SFTPD: variants seen among roughly 807,000 people sequenced by gnomAD.
SFTPD encodes the protein surfactant protein D.
A neutral mutation model predicts 34.6 loss-of-function variants in SFTPD; 18 were observed. The ratio of observed to expected loss-of-function variants is 0.52; its 90% CI spans 0.36 to 0.77. The LOEUF (loss-of-function observed/expected upper bound fraction) is 0.77. SFTPD is among the 30% of genes least tolerant of loss of function. The pLI is 0.00. For missense variants in SFTPD, 433 were observed against 468.9 expected (o/e 0.92, Z 0.71); for synonymous variants, 155 against 180.9 (o/e 0.86, Z 1.15).
At chr10:79,976,557 GA>G (rs1050785509) in intron 1 of SFTPD, among the ~76,000 whole-genome samples, 2 of 152,044 alleles carry the variant, frequency 1.3e-5, no homozygotes, top group African/African-American at 2.4e-5. Flanking sequence ...GTCCAGGCTG[GA>G]AAAAAAGGGC....
chr10:79,978,380 A>C (rs117833443), intron 1 of SFTPD, among the ~76,000 whole-genome samples: 10,433 of 152,292 alleles, frequency 0.069, 562 homozygotes, highest in South Asian at 0.2. Flanking sequence ...TGCTGGGTGC[A>C]GTGGCTCATG....
Position 79,947,461 on chromosome 10 carries a change from G to A in SFTPD, c.-3-799C>T, listed in dbSNP as rs991187708. Reference sequence around the variant, plus strand: ...CCCCAGCACTTTGGGAGGCCGAGGCGGGCAGATCACTTGAAGTCAGGAGTT... The same window carrying A: ...CCCCAGCACTTTGGGAGGCCGAGGCAGGCAGATCACTTGAAGTCAGGAGTT... On this transcript the variant is annotated intron_variant, in intron 1 of 7. Coordinates refer to ENST00000372292, the MANE Select transcript of SFTPD (RefSeq NM_003019.5). Among the ~76,000 whole-genome samples, 5 of 152,140 alleles carry A rather than the reference G, an allele frequency of 3.3e-5. No homozygotes were observed. The East Asian group carries it at 5.8e-4, about 18-fold the overall frequency.
chr10:79,971,820 C>T (rs1208113557), intron 1 of SFTPD: 1 of 152,050 alleles, frequency 6.6e-6, no homozygotes, highest in Non-Finnish European at 1.5e-5. Flanking sequence ...TTGGAATTGA[C>T]CGTTTTGGGT....
At chr10:79,942,967 A>G (rs774659340) in intron 2 of SFTPD, 88 bp from the exon 3 acceptor site, 13 of 809,888 alleles carry the variant, frequency 1.6e-5, no homozygotes, top group Middle Eastern at 2.7e-4. Flanking sequence ...GCATTCCTTT[A>G]GGATTCTGCA....
At chr10:79,943,807 C>T (rs1223555103) in intron 2 of SFTPD, among the ~76,000 whole-genome samples, 1 of 152,202 alleles carries the variant, frequency 6.6e-6, no homozygotes, top group Non-Finnish European at 1.5e-5. Context: ...ATAGGATGGG[C>T]CCCACCTCTG....
chr10:79,944,036 C>T (rs1405849123), intron 2 of SFTPD, among the ~76,000 whole-genome samples: 1 of 152,230 alleles, frequency 6.6e-6, no homozygotes, highest in African/African-American at 2.4e-5. Context: ...AATGCTGCAC[C>T]CATGCCTTTC....
In SFTPD at chr10:79,942,863, T is replaced by C. The variant is rs1247406012; in HGVS notation, c.216A>G (p.Ala72=). 17 of 1,613,166 alleles carry C rather than the reference T, an allele frequency of 1.1e-5. No homozygotes were observed. Among genetic ancestry groups the C allele is most frequent in the Non-Finnish European group, 1.4e-5 (16 of 1,179,096 alleles). Reference sequence around the variant, plus strand: ...CTTGTCCAGGCATCCCTGCTTGCCCTGCAGCTCCTGGCAAACCTGTAGCAG... The same window carrying C: ...CTTGTCCAGGCATCCCTGCTTGCCCCGCAGCTCCTGGCAAACCTGTAGCAG... ...EKGDPGLPGA[A]GQAGMPGQAG... The change falls in exon 3 of 8, where the codon GCA becomes GCG. Residue 72 remains alanine (A), a synonymous_variant. Coordinates refer to ENST00000372292, the MANE Select transcript of SFTPD (RefSeq NM_003019.5).
chr10:79,972,361 T>C (rs980292645), intron 1 of SFTPD: 4 of 152,180 alleles, frequency 2.6e-5, no homozygotes, highest in African/African-American at 7.2e-5. Flanking sequence ...TAGCCAGGCA[T>C]GGTGGTGGGC....
At chr10:79,971,090 T>C (rs1842832024) in intron 1 of SFTPD, 1 of 152,220 alleles carries the variant, frequency 6.6e-6, no homozygotes, top group Non-Finnish European at 1.5e-5. Flanking sequence ...TATTAAATTT[T>C]ATCAAATGCT....
At chr10:79,953,757 C>T (rs1339712375), upstream of SFTPD, among the ~76,000 whole-genome samples, 1 of 152,096 alleles carries the variant, frequency 6.6e-6, no homozygotes, top group East Asian at 1.9e-4. Flanking sequence ...CCCCTTTTCT[C>T]TCTCTTCTAC....
intron 1 of SFTPD, among the ~76,000 whole-genome samples, chr10:79,980,107 TA>T: frequency 6.6e-6 from 1 of 152,142 alleles, no homozygotes; most frequent in African/African-American, 2.4e-5. Flanking sequence ...GGGCCCTGAA[TA>T]AACATCAGTG....
intron 1 of SFTPD, chr10:79,970,667 A>G (rs1842830071): frequency 6.6e-6 from 1 of 152,060 alleles, no homozygotes; most frequent in Admixed American, 6.6e-5. Flanking sequence ...TTTTTCAAGT[A>G]GTTCATTGTT....
At chr10:79,980,386 T>G (rs11201014) in intron 1 of SFTPD, among the ~76,000 whole-genome samples, 19,479 of 152,052 alleles carry the variant, frequency 0.13, 1,667 homozygotes, top group East Asian at 0.41. Context: ...AGACAGAAGG[T>G]AAATTGCTGC....
At chr10:79,959,761 T>C (rs1345776194) in intron 1 of SFTPD, among the ~76,000 whole-genome samples, 2 of 152,102 alleles carry the variant, frequency 1.3e-5, no homozygotes, top group Non-Finnish European at 2.9e-5. Context: ...TTCCAATCAA[T>C]AGAAAAAGAG....
At chr10:79,976,774 G>A (rs1842866165) in intron 1 of SFTPD, among the ~76,000 whole-genome samples, 1 of 152,114 alleles carries the variant, frequency 6.6e-6, no homozygotes, top group African/African-American at 2.4e-5. Flanking sequence ...TGGGTGATAT[G>A]GTTTGGCTGT....
At chr10:79,942,259 G>T in intron 4 of SFTPD, 129 bp downstream of exon 4, 1 of 749,106 alleles carries the variant, frequency 1.3e-6, no homozygotes, top group Non-Finnish European at 2.3e-6. Flanking sequence ...TTGGGAGGGT[G>T]CATGGCAAGC....
intron 1 of SFTPD, among the ~76,000 whole-genome samples, chr10:79,973,497 A>G (rs1482116981): frequency 2.0e-5 from 3 of 152,024 alleles, no homozygotes. Context: ...GGGTGCCTGT[A>G]ATCCCAGCTA....
chr10:79,956,492 CAGG>C (rs1356628524), intron 1 of SFTPD, among the ~76,000 whole-genome samples: 4 of 152,344 alleles, frequency 2.6e-5, no homozygotes, highest in African/African-American at 7.2e-5. Context: ...AATGGCACAC[CAGG>C]AGATTATATC....
chr10:79,951,313 C>A (rs946081525), upstream of SFTPD, among the ~76,000 whole-genome samples: 1 of 152,102 alleles, frequency 6.6e-6, no homozygotes, highest in African/African-American at 2.4e-5. Context: ...CTAGAGAACC[C>A]GTTACTTCTT....
Sources: allele counts gnomAD v4.1 joint callset (sites outside exome capture counted in the v4.1 genomes callset), GRCh38; gene constraint gnomAD v4.1.1; transcripts MANE v1.5; gene names NCBI Gene and HGNC (gene_info 2026-07-23, HGNC 2026-07-21).